The following USH2A variants were observed in gnomAD, a reference collection of about 807,000 sequenced individuals.
USH2A encodes usherin.
USH2A carries 443 observed loss-of-function variants against 538.9 expected under a neutral mutation model. The ratio of observed to expected loss-of-function variants is 0.82; its 90% CI spans 0.76 to 0.89. The LOEUF (loss-of-function observed/expected upper bound fraction) is 0.89, where lower values mean the gene tolerates loss of function less well. Among genes scored for constraint, USH2A ranks in the 40% least tolerant of loss-of-function variants. The probability of loss-of-function intolerance (pLI) is 0.00; values close to 1 mark genes in which losing one functional copy is unlikely to be tolerated. For missense variants in USH2A, 6,633 were observed against 6,324.8 expected (o/e 1.05, Z -1.65); for synonymous variants, 2,413 against 2,273.5 (o/e 1.06, Z -1.75).
At chr1:216,315,015 A>G (rs1340061081) in intron 9 of USH2A, among the ~76,000 whole-genome samples, 1 of 152,198 alleles carries the variant, frequency 6.6e-6, no homozygotes, top group Non-Finnish European at 1.5e-5. Flanking sequence ...GACAACTCAT[A>G]AGGATTCAAG....
chr1:215,708,762 A>G (rs181564118), intron 61 of USH2A, among the ~76,000 whole-genome samples: 43 of 152,062 alleles, frequency 2.8e-4, no homozygotes, highest in African/African-American at 9.4e-4. Flanking sequence ...GGTGAGGCTC[A>G]CCCTCCACTT....
intron 29 of USH2A, 64 bp downstream of exon 29, chr1:216,072,825 A>T: frequency 6.9e-7 from 1 of 1,458,326 alleles, no homozygotes. Flanking sequence ...CCTTCCTTTT[A>T]TATAAATGCA....
At chr1:216,292,520 A>AC in intron 9 of USH2A, 150 bp from the exon 10 acceptor site, 1 of 869,870 alleles carries the variant, frequency 1.1e-6, no homozygotes, top group Non-Finnish European at 1.7e-6. Context: ...TTCGTAAGTC[A>AC]GAAATAGCAT....
chr1:216,362,938 T>G (rs2038522031), intron 4 of USH2A, among the ~76,000 whole-genome samples: 1 of 146,814 alleles, frequency 6.8e-6, no homozygotes, highest in Non-Finnish European at 1.5e-5. Flanking sequence ...AAACTCCCTG[T>G]CAAAAAAAAA....
chr1:216,323,587 G>T lies in USH2A; in HGVS notation c.1437C>A (p.Phe479Leu), dbSNP rs780470999. ...NFYNTPSLQE[F>L]VKATQIRFHF... ...GAAACCTTATTTGCGTGGCTTTTAC[G>T]AACTCTTGAAGAGATGGGGTATTAT... The change falls in exon 8 of 72, where the codon TTC (phenylalanine) becomes TTA (leucine). Residue 479 changes from phenylalanine (F) to leucine (L), a missense_variant. Transcript: ENST00000307340. 21 of 1,613,468 alleles carry T rather than the reference G, an allele frequency of 1.3e-5. No individual in the cohort carries two copies. In the South Asian group the frequency reaches 2.3e-4, roughly 18 times the overall value.
intron 58 of USH2A, among the ~76,000 whole-genome samples, chr1:215,753,890 T>G (rs1660704771): frequency 6.6e-6 from 1 of 152,226 alleles, no homozygotes; most frequent in Non-Finnish European, 1.5e-5. Flanking sequence ...TTCTTGGCCC[T>G]CTGGGCTACT....
chr1:216,387,843 C>T (rs902884883), intron 3 of USH2A, among the ~76,000 whole-genome samples: 1 of 152,156 alleles, frequency 6.6e-6, no homozygotes, highest in Non-Finnish European at 1.5e-5. Flanking sequence ...CTCCCTCTCT[C>T]TGCCCTTCCC....
In USH2A at chr1:216,247,014, C is replaced by G. The variant is rs1267382499; in HGVS notation, c.2380G>C (p.Ala794Pro). ...GATCCAGCTGTGTCACAGTCACAGG[C>G]CTTACAATTGGTGACATCTAACCCA... ...FYGLDVTNCKACDCDTAGSLP... is the reference protein window; with the variant it reads ...FYGLDVTNCKPCDCDTAGSLP... The change falls in exon 13 of 72, where the codon GCC (alanine) becomes CCC (proline). Residue 794 changes from alanine to proline, a missense_variant. Ala to Pro is a conservative substitution (Grantham distance 27, BLOSUM62 -1). Coordinates refer to ENST00000307340, the MANE Select transcript of USH2A (RefSeq NM_206933.4). The G allele has an allele frequency of 6.2e-7, 1 of 1,614,032 alleles. No homozygotes were observed. Among genetic ancestry groups the G allele is most frequent in the South Asian group, 1.1e-5 (1 of 91,082 alleles).
Position 216,289,388 on chromosome 1 carries a change from C to T in USH2A, c.1863G>A (p.Lys621=). ...CACCAACTTGTCGGAAAAAGTAATC[C>T]TTGCACAGCTCACAGTTCCTTCCTG... The part of the protein sequence containing the change: ...NTTGRNCELC[K]DYFFRQVGAD... Residue 621 remains lysine (K), a synonymous_variant, in exon 11 of 72, where the codon AAG becomes AAA. Coordinates refer to ENST00000307340, the MANE Select transcript of USH2A (RefSeq NM_206933.4). The T allele has an allele frequency of 1.2e-6, 2 of 1,613,872 alleles. No individual in the cohort carries two copies. Among genetic ancestry groups the T allele is most frequent in the Non-Finnish European group, 1.7e-6 (2 of 1,179,788 alleles).
At chr1:215,786,256 G>A (rs769463007) in intron 52 of USH2A, among the ~76,000 whole-genome samples, 1 of 152,142 alleles carries the variant, frequency 6.6e-6, no homozygotes, top group African/African-American at 2.4e-5. Flanking sequence ...CCTCAGAGTA[G>A]CACTGTTAGG....
At chr1:216,255,867 A>G (rs1463890244) in intron 11 of USH2A, among the ~76,000 whole-genome samples, 1 of 152,142 alleles carries the variant, frequency 6.6e-6, no homozygotes, top group Non-Finnish European at 1.5e-5. Flanking sequence ...TTTCTCCTTC[A>G]GTTACGTTAG....
At chr1:216,113,418 T>G (rs1376889521) in intron 21 of USH2A, among the ~76,000 whole-genome samples, 1 of 152,176 alleles carries the variant, frequency 6.6e-6, no homozygotes, top group East Asian at 1.9e-4. Flanking sequence ...TAAATAGTTT[T>G]CAGCCACTGT....
intron 5 of USH2A, 35 bp from the exon 6 acceptor site, chr1:216,325,634 G>T (rs766062932): frequency 6.3e-7 from 1 of 1,599,218 alleles, no homozygotes; most frequent in Non-Finnish European, 8.5e-7. Context: ...TAAGGACAAA[G>T]AGCTTAACAG....
intron 61 of USH2A, among the ~76,000 whole-genome samples, chr1:215,710,736 A>G (rs551516721): frequency 3.3e-4 from 51 of 152,266 alleles, no homozygotes; most frequent in Non-Finnish European, 6.8e-4. Flanking sequence ...TCAAGTGTGT[A>G]CTCAATTGAG....
intron 61 of USH2A, among the ~76,000 whole-genome samples, chr1:215,719,313 T>C (rs948543316): frequency 4.1e-5 from 6 of 148,148 alleles, no homozygotes; most frequent in African/African-American, 1.5e-4. Flanking sequence ...GTATGTGATG[T>C]TGTTGGGGCA....
chr1:216,104,579 A>C (rs1304599985), intron 21 of USH2A, among the ~76,000 whole-genome samples: 3 of 152,168 alleles, frequency 2.0e-5, no homozygotes, highest in African/African-American at 7.2e-5. Context: ...GAAAGGATTC[A>C]CTATTAAATA....
Position 215,675,171 on chromosome 1 carries a change from C to T in USH2A, c.12740G>A (p.Gly4247Glu). The change falls in exon 63 of 72, where the codon GGG becomes GAG. Residue 4247 changes from glycine to glutamate, a missense_variant. Gly to Glu is a moderately conservative substitution (Grantham distance 98). Coordinates refer to ENST00000307340, the MANE Select transcript of USH2A (RefSeq NM_206933.4). ...EYKIYTWNSA[G>E]HTCSSWNVVR... is the part of the protein sequence containing the mutation. ...CACATTCCAAGAGCTACAGGTATGCCCAGCTGAATTCCAAGTGTAGATTTT... is the reference window on the plus strand; with the variant it reads ...CACATTCCAAGAGCTACAGGTATGCTCAGCTGAATTCCAAGTGTAGATTTT... 6.2e-7 allele frequency: 1 copy of T among 1,614,006 alleles called. No individual in the cohort carries two copies. The highest frequency in any genetic ancestry group is 8.5e-7 in the Non-Finnish European group (1 of 1,180,010).
At chr1:216,075,552 C>G (rs2031716973) in intron 27 of USH2A, among the ~76,000 whole-genome samples, 1 of 152,176 alleles carries the variant, frequency 6.6e-6, no homozygotes, top group Admixed American at 6.5e-5. Flanking sequence ...AACATTAGCC[C>G]TTCCTCTAGG....
intron 44 of USH2A, among the ~76,000 whole-genome samples, chr1:215,851,547 A>G (rs1468450145): frequency 6.6e-6 from 1 of 152,178 alleles, no homozygotes; most frequent in African/African-American, 2.4e-5. Flanking sequence ...AATGGTAATT[A>G]TAACGTTACC....
Sources: allele counts gnomAD v4.1 joint callset (sites outside exome capture counted in the v4.1 genomes callset), GRCh38; gene constraint gnomAD v4.1.1; transcripts MANE v1.5; gene names NCBI Gene and HGNC (gene_info 2026-07-23, HGNC 2026-07-21).